Variants in FYN observed in about 807,000 individuals in gnomAD.
FYN encodes the protein FYN proto-oncogene, Src family tyrosine kinase, also known as tyrosine-protein kinase Fyn.
FYN carries 10 observed loss-of-function variants against 70.2 expected under a neutral mutation model. That is an observed-to-expected ratio of 0.14 (90% CI 0.09 to 0.24). The LOEUF is 0.24. Ranked by LOEUF, FYN falls within the 10% of genes least tolerant of loss-of-function variation. The probability of loss-of-function intolerance (pLI) is 1.00; values close to 1 mark genes in which losing one functional copy is unlikely to be tolerated. For synonymous variants in FYN, 236 were observed against 248.6 expected (o/e 0.95, Z 0.48); for missense variants, 319 against 673.1 (o/e 0.47, Z 5.82).
intron 12 of FYN, among the ~76,000 whole-genome samples, chr6:111,679,584 C>A (rs1286542180): frequency 6.6e-6 from 1 of 152,082 alleles, no homozygotes; most frequent in African/African-American, 2.4e-5. Flanking sequence ...GGCTGAATAA[C>A]CACAGTTCCT....
At chr6:111,868,056 C>A (rs1325222003) in intron 1 of FYN, among the ~76,000 whole-genome samples, 2 of 152,002 alleles carry the variant, frequency 1.3e-5, no homozygotes, top group Admixed American at 1.3e-4. Context: ...ACTCACCTAG[C>A]CATCTCTACT....
intron 3 of FYN, among the ~76,000 whole-genome samples, chr6:111,729,667 CAAGTT>C (rs1195667925): frequency 1.3e-5 from 2 of 152,054 alleles, no homozygotes; most frequent in African/African-American, 4.8e-5. Flanking sequence ...CCCATAAAGA[CAAGTT>C]AAGCAGAAAT....
At chr6:111,756,065 A>G (rs1380524279) in intron 3 of FYN, among the ~76,000 whole-genome samples, 1 of 152,128 alleles carries the variant, frequency 6.6e-6, no homozygotes, top group Non-Finnish European at 1.5e-5. Context: ...GAACAAAGGA[A>G]AAGCTATTTA....
chr6:111,865,422 G>A (rs1331938022), intron 1 of FYN, among the ~76,000 whole-genome samples: 1 of 152,174 alleles, frequency 6.6e-6, no homozygotes, highest in Non-Finnish European at 1.5e-5. Flanking sequence ...AAAGTTTCAT[G>A]AGTCAGTAAG....
At chr6:111,748,592 A>C (rs967694268) in intron 3 of FYN, among the ~76,000 whole-genome samples, 6 of 151,168 alleles carry the variant, frequency 4.0e-5, no homozygotes, top group African/African-American at 1.5e-4. Context: ...GGACCTGTTC[A>C]TCCATATAGA....
At chr6:111,745,882 A>G (rs938120030) in intron 3 of FYN, among the ~76,000 whole-genome samples, 25 of 152,238 alleles carry the variant, frequency 1.6e-4, no homozygotes, top group African/African-American at 6.0e-4. Flanking sequence ...AAATGCCTTC[A>G]GTAATGTTTC....
At chr6:111,840,079 G>T (rs1773312088) in intron 2 of FYN, among the ~76,000 whole-genome samples, 3 of 152,270 alleles carry the variant, frequency 2.0e-5, no homozygotes, top group Admixed American at 1.3e-4. Flanking sequence ...CTTCCAAGTG[G>T]CCCCTTCTAA....
intron 2 of FYN, among the ~76,000 whole-genome samples, chr6:111,833,121 C>G (rs760802985): frequency 1.6e-4 from 24 of 152,284 alleles, no homozygotes; most frequent in Middle Eastern, 6.8e-3. Context: ...ACAAATGAAG[C>G]CAATATGCTC....
chr6:111,680,655 A>G (rs1366463346), intron 12 of FYN, among the ~76,000 whole-genome samples: 2 of 152,228 alleles, frequency 1.3e-5, no homozygotes, highest in East Asian at 3.8e-4. Context: ...ATGGGTGTCT[A>G]TCAGCAATTA....
rs372075115 is a variant in FYN at position 111,698,239 on chromosome 6, T to G, written c.863-1783A>C. 7.2e-4 allele frequency among the ~76,000 whole-genome samples: 110 copies of G among 152,340 alleles called. 2 individuals carry two copies. The South Asian group carries it at 0.021, about 29-fold the overall frequency. On this transcript the variant is annotated intron_variant, in intron 9 of 13. Coordinates refer to ENST00000354650, the MANE Select transcript of FYN (RefSeq NM_002037.5). ...ACCTCCACCTCCCAGGTTCAAGTGA[T>G]TCTCCTGCCTCAGCCTCCTGAGTAG...
chr6:111,865,362 A>G (rs954134453), intron 1 of FYN, among the ~76,000 whole-genome samples: 14 of 152,234 alleles, frequency 9.2e-5, no homozygotes, highest in Non-Finnish European at 1.9e-4. Flanking sequence ...CAAATGGGAA[A>G]GCGCTCTCAA....
chr6:111,849,193 T>G lies in FYN; in HGVS notation c.-122-2564A>C, dbSNP rs536522958. 8.5e-5 allele frequency among the ~76,000 whole-genome samples: 13 copies of G among 152,296 alleles called. No individual in the cohort carries two copies. The South Asian group carries it at 2.7e-3, about 32-fold the overall frequency. On this transcript the variant is annotated intron_variant, in intron 1 of 13. Transcript: ENST00000354650. ...AACTGAAGTGACCCAGATAGCCCAGTGGAAAAGGCTGATCCATTAATGTTG... is the reference window on the plus strand; with the variant it reads ...AACTGAAGTGACCCAGATAGCCCAGGGGAAAAGGCTGATCCATTAATGTTG...
chr6:111,689,932 A>G (rs1799235368), intron 12 of FYN, among the ~76,000 whole-genome samples: 2 of 152,220 alleles, frequency 1.3e-5, no homozygotes. Context: ...TATAGCTCAT[A>G]AAGAACAAAA....
chr6:111,691,971 G>A (rs547852892), intron 12 of FYN, among the ~76,000 whole-genome samples: 2 of 152,048 alleles, frequency 1.3e-5, no homozygotes, highest in South Asian at 2.1e-4. Context: ...TGGTCCTCAC[G>A]TTTCCTCTCA....
At chr6:111,789,622 T>C (rs1047532263) in intron 2 of FYN, among the ~76,000 whole-genome samples, 14 of 152,194 alleles carry the variant, frequency 9.2e-5, no homozygotes, top group Admixed American at 6.5e-4. Flanking sequence ...CATACAGTTA[T>C]AATAATCATG....
At chr6:111,752,253 C>T (rs1424943377) in intron 3 of FYN, among the ~76,000 whole-genome samples, 1 of 152,198 alleles carries the variant, frequency 6.6e-6, no homozygotes, top group African/African-American at 2.4e-5. Context: ...CTCCATCTAT[C>T]CATCTACCCA....
intron 2 of FYN, among the ~76,000 whole-genome samples, chr6:111,815,568 A>C (rs1448306330): frequency 6.6e-6 from 1 of 152,226 alleles, no homozygotes; most frequent in Non-Finnish European, 1.5e-5. Context: ...AATGCTGTAC[A>C]GTCTTAGTAT....
intron 9 of FYN, among the ~76,000 whole-genome samples, chr6:111,697,841 T>G (rs939054079): frequency 1.2e-4 from 18 of 152,214 alleles, no homozygotes; most frequent in African/African-American, 4.1e-4. Flanking sequence ...AAAATAAATT[T>G]TCTAATAGGG....
chr6:111,727,248 T>C (rs1189385026), intron 3 of FYN, among the ~76,000 whole-genome samples: 1 of 152,188 alleles, frequency 6.6e-6, no homozygotes, highest in Non-Finnish European at 1.5e-5. Flanking sequence ...TAATGACTAT[T>C]TGGGCCGATG....
Sources: gnomAD v4.1 joint callset for allele counts (sites outside exome capture counted in the v4.1 genomes callset) on GRCh38, gnomAD v4.1.1 for gene constraint, MANE v1.5 for transcripts, NCBI Gene and HGNC (gene_info 2026-07-23, HGNC 2026-07-21) for gene names.